The following PDE8A variants were observed in gnomAD, a reference collection of about 807,000 sequenced individuals.
The protein encoded by PDE8A is high affinity cAMP-specific and IBMX-insensitive 3',5'-cyclic phosphodiesterase 8A.
Under a neutral mutation model 105.0 loss-of-function variants are expected in PDE8A, and 59 were observed. That is an observed-to-expected ratio of 0.56 (90% CI 0.46 to 0.70). The LOEUF (loss-of-function observed/expected upper bound fraction) is 0.70, where lower values mean the gene tolerates loss of function less well. Ranked by LOEUF, PDE8A falls within the 30% of genes least tolerant of loss-of-function variation. PDE8A has a pLI of 0.00. For synonymous variants in PDE8A, 355 were observed against 371.9 expected (o/e 0.95, Z 0.52); for missense variants, 1,014 against 1,045.9 (o/e 0.97, Z 0.42).
chr15:84,982,039 C>T lies in PDE8A; in HGVS notation c.-124C>T, dbSNP rs886790214. ...GCCGCGTTTCCTGACGCGAGATCCGCGCTCGCCGCCGCCCGCCCAGGCGGC... is the reference window on the plus strand; with the variant it reads ...GCCGCGTTTCCTGACGCGAGATCCGTGCTCGCCGCCGCCCGCCCAGGCGGC... On this transcript the variant is annotated 5_prime_UTR_variant, in exon 1 of 22. Transcript: ENST00000394553. The T allele has an allele frequency of 3.1e-5, 14 of 455,072 alleles. No homozygotes were observed. Among genetic ancestry groups the T allele is most frequent in the Non-Finnish European group, 4.7e-5 (14 of 298,372 alleles). The allele number at this position is 455,072 out of a possible 1,614,324, so 28.2% of individuals were successfully genotyped here. A position where few individuals can be genotyped will look rare whatever the true frequency, so the allele number is the denominator to read the frequency against.
At chr15:85,046,747 T>A (rs900177010) in intron 1 of PDE8A, among the ~76,000 whole-genome samples, 1 of 151,858 alleles carries the variant, frequency 6.6e-6, no homozygotes, top group African/African-American at 2.4e-5. Flanking sequence ...TTTACAGAGG[T>A]TGGAATTATA....
chr15:84,987,050 G>C (rs543351901), intron 1 of PDE8A, among the ~76,000 whole-genome samples: 11 of 152,158 alleles, frequency 7.2e-5, no homozygotes, highest in Non-Finnish European at 1.2e-4. Context: ...TCCTTTGAAA[G>C]TGTAGTTGAG....
chr15:85,001,691 T>C (rs1000675678), intron 1 of PDE8A, among the ~76,000 whole-genome samples: 2 of 152,186 alleles, frequency 1.3e-5, no homozygotes, highest in African/African-American at 4.8e-5. Context: ...CTTCTGGATT[T>C]GATGGTGCAC....
Position 85,100,237 on chromosome 15 carries a change from T to G in PDE8A, c.1036+39T>G, listed in dbSNP as rs368901684. ...TATTTATTCTTAGAGTTCATTGAGT[T>G]TTTGGAGAAAAAAAATAAAAACAGA... On this transcript the variant is annotated intron_variant, in intron 11 of 21. Transcript: ENST00000394553. 15 of 1,560,894 alleles carry G rather than the reference T, an allele frequency of 9.6e-6. No individual in the cohort carries two copies. In the African/African-American group the frequency reaches 2.0e-4, roughly 21 times the overall value.
intron 1 of PDE8A, among the ~76,000 whole-genome samples, chr15:84,984,030 A>C (rs2079763424): frequency 6.6e-6 from 1 of 152,240 alleles, no homozygotes; most frequent in African/African-American, 2.4e-5. Context: ...TAAAGTGCCT[A>C]ACCCAGTGGC....
intron 1 of PDE8A, among the ~76,000 whole-genome samples, chr15:84,983,232 CTCA>C (rs2142133737): frequency 6.6e-6 from 1 of 152,340 alleles, no homozygotes; most frequent in Non-Finnish European, 1.5e-5. Context: ...AAAGCTGGAA[CTCA>C]TGCGTTGGTT....
intron 1 of PDE8A, among the ~76,000 whole-genome samples, chr15:85,019,484 G>C (rs760704008): frequency 5.3e-5 from 8 of 152,098 alleles, no homozygotes; most frequent in Non-Finnish European, 1.2e-4. Context: ...GAACTCCTGG[G>C]CTCAAACGAT....
intron 1 of PDE8A, among the ~76,000 whole-genome samples, chr15:85,013,334 T>A (rs289374): frequency 0.75 from 113,488 of 152,148 alleles, 42,435 homozygotes; most frequent in Non-Finnish European, 0.77. Context: ...CAAGTTATTA[T>A]CTTCTCTGAG....
intron 1 of PDE8A, among the ~76,000 whole-genome samples, chr15:84,995,124 T>C (rs2079953891): frequency 6.6e-6 from 1 of 152,226 alleles, no homozygotes; most frequent in South Asian, 2.1e-4. Context: ...TGCTGAGTTT[T>C]GACAAACGCA....
At chr15:85,067,546 G>C (rs1446773095) in intron 3 of PDE8A, among the ~76,000 whole-genome samples, 5 of 152,088 alleles carry the variant, frequency 3.3e-5, no homozygotes, top group African/African-American at 1.2e-4. Context: ...TTTGAAAATT[G>C]TCTTTTAATG....
chr15:85,050,226 A>G (rs572048503), intron 1 of PDE8A, among the ~76,000 whole-genome samples: 1 of 152,248 alleles, frequency 6.6e-6, no homozygotes, highest in African/African-American at 2.4e-5. Context: ...CTCTTATCAG[A>G]TATATGATTG....
At chr15:85,028,592 A>T (rs1156722058) in intron 1 of PDE8A, among the ~76,000 whole-genome samples, 1 of 152,220 alleles carries the variant, frequency 6.6e-6, no homozygotes, top group Non-Finnish European at 1.5e-5. Context: ...ATACTCCTAC[A>T]AAAGTGTTAT....
At chr15:85,076,243 A>G (rs909958593) in intron 4 of PDE8A, among the ~76,000 whole-genome samples, 3 of 152,160 alleles carry the variant, frequency 2.0e-5, no homozygotes, top group African/African-American at 4.8e-5. Flanking sequence ...TGAGGGGGGA[A>G]TCTTAGGTTT....
chr15:85,111,871 T>C (rs1242676012), intron 12 of PDE8A, among the ~76,000 whole-genome samples: 1 of 152,228 alleles, frequency 6.6e-6, no homozygotes, highest in Non-Finnish European at 1.5e-5. Flanking sequence ...GTGTTTTACA[T>C]TTTTGTTGTA....
At chr15:85,123,022 A>G (rs747895738) in intron 18 of PDE8A, 39 bp from the exon 19 acceptor site, 2 of 1,608,238 alleles carry the variant, frequency 1.2e-6, no homozygotes, top group Non-Finnish European at 8.5e-7. Flanking sequence ...GGTCTGGATC[A>G]GTAATTTGTA....
rs557629007 is a variant in PDE8A at position 85,040,140 on chromosome 15, TAAAG to T, written c.187-24226_187-24223del. 1.0e-3 allele frequency among the ~76,000 whole-genome samples: 158 copies of T among 151,840 alleles called. 1 individual carries two copies. The highest frequency in any genetic ancestry group is 3.1e-3 in the African/African-American group (129 of 41,484). On this transcript the variant is annotated intron_variant, in intron 1 of 21. Transcript: ENST00000394553. Reference sequence around the variant, plus strand: ...TAAATATTTGGGGTGATGGATATGTTAAAGAAAAAAAAGAAAAAGAAGCTGAGTG... The same window carrying T: ...TAAATATTTGGGGTGATGGATATGTTAAAAAAAAGAAAAAGAAGCTGAGTG...
chr15:85,136,412 G>T, intron 20 of PDE8A, 122 bp from the exon 21 acceptor site: 6 of 948,508 alleles, frequency 6.3e-6, no homozygotes, highest in South Asian at 1.6e-5. Flanking sequence ...GGTGGTGATT[G>T]GCTTCTCACC....
chr15:85,083,732 T>C, intron 6 of PDE8A, 88 bp downstream of exon 6: 1 of 805,086 alleles, frequency 1.2e-6, no homozygotes, highest in Non-Finnish European at 2.2e-6. Context: ...ACTTTTGAAA[T>C]GGCCTCTTGC....
intron 11 of PDE8A, among the ~76,000 whole-genome samples, chr15:85,105,236 C>A (rs1191914617): frequency 6.6e-6 from 1 of 152,000 alleles, no homozygotes; most frequent in Admixed American, 6.6e-5. Context: ...GAGATTTGGT[C>A]TGTGCCTGGA....
Sources: gnomAD v4.1 joint callset for allele counts (sites outside exome capture counted in the v4.1 genomes callset) on GRCh38, gnomAD v4.1.1 for gene constraint, MANE v1.5 for transcripts, NCBI Gene and HGNC (gene_info 2026-07-23, HGNC 2026-07-21) for gene names.